The following USP47 variants were observed in gnomAD, a reference collection of about 807,000 sequenced individuals.
USP47 encodes the protein ubiquitin carboxyl-terminal hydrolase 47.
USP47 carries 35 observed loss-of-function variants against 165.1 expected under a neutral mutation model. That is an observed-to-expected ratio of 0.21 (90% CI 0.16 to 0.28). USP47 has a LOEUF of 0.28. Among genes scored for constraint, USP47 ranks in the 10% least tolerant of loss-of-function variants. The pLI is 1.00. For missense variants in USP47, 1,277 were observed against 1,607.4 expected, an observed-to-expected ratio of 0.79 and a Z score of 3.52; for synonymous variants, 531 against 544.5, an observed-to-expected ratio of 0.98 and a Z score of 0.35.
chr11:11,925,909 A>G (rs1854208403), intron 11 of USP47, among the ~76,000 whole-genome samples: 1 of 152,034 alleles, frequency 6.6e-6, no homozygotes, highest in African/African-American at 2.4e-5. Flanking sequence ...TGTTGAGGTA[A>G]TTTCCTTCTA....
At position 11,933,831 on chromosome 11, in the gene USP47, A is replaced by G. The variant is rs1309125981; in HGVS notation, c.1765A>G (p.Ile589Val). The G allele has an allele frequency of 6.3e-7, 1 of 1,590,736 alleles. No individual in the cohort carries two copies. The highest frequency in any genetic ancestry group is 1.7e-5 in the Admixed American group (1 of 59,212). ...GATGATGATATTTTACATTTTCTAG[A>G]TAAAATTATTCTGTTTGCATCCTAC... ...QREIERNTCK[I>V]KLFCLHPTKQ... Residue 589 changes from isoleucine to valine, a missense_variant and splice_region_variant, in exon 16 of 28, where the codon ATA (isoleucine) becomes GTA (valine). Ile to Val is a conservative substitution (Grantham distance 29). This residue lies in a region of USP47 where 909 missense variants were observed against 1,068.1 expected (regional missense o/e 0.85). Coordinates refer to ENST00000527733, the MANE Select transcript of USP47 (RefSeq NM_001282659.2).
At chr11:11,905,649 T>C (rs1373365869) in intron 8 of USP47, 101 bp downstream of exon 8, 34 of 1,192,726 alleles carry the variant, frequency 2.9e-5, no homozygotes, top group Non-Finnish European at 3.4e-5. Flanking sequence ...TAGATACACC[T>C]TCTTGGGTTG....
At chr11:11,847,070 A>T (rs1190579669) in intron 1 of USP47, among the ~76,000 whole-genome samples, 1 of 152,134 alleles carries the variant, frequency 6.6e-6, no homozygotes, top group Non-Finnish European at 1.5e-5. Flanking sequence ...TATGATTCTA[A>T]TTTTGTCCAG....
Position 11,884,521 on chromosome 11 carries a change from G to A in USP47, c.298G>A (p.Gly100Arg). ...KSLLDANFEP[G>R]KKNFLHLTDK... ...ACTTCTCGACGCTAATTTTGAGCCA[G>A]GAAAGAAGAACTTTCTGCATTTGAC... is the stretch of plus-strand genomic sequence containing the variant. Residue 100 changes from glycine (G) to arginine (R), a missense_variant, in exon 3 of 28, where the codon GGA (glycine) becomes AGA (arginine). This residue lies in a region of USP47 where 181 missense variants were observed against 194.7 expected (regional missense o/e 0.93). Coordinates refer to ENST00000527733, the MANE Select transcript of USP47 (RefSeq NM_001282659.2). 3.1e-6 allele frequency: 5 copies of A among 1,612,078 alleles called. No individual in the cohort carries two copies. The South Asian group carries it at 4.4e-5, about 14-fold the overall frequency.
At chr11:11,842,290 C>A (rs1427743241) in intron 1 of USP47, 66 bp downstream of exon 1, 7 of 1,514,862 alleles carry the variant, frequency 4.6e-6, no homozygotes, top group South Asian at 1.2e-5. Flanking sequence ...AGGCCCGGGC[C>A]GGGGTTCGGC....
At chr11:11,917,174 A>C (rs1303819626) in intron 8 of USP47, among the ~76,000 whole-genome samples, 1 of 152,174 alleles carries the variant, frequency 6.6e-6, no homozygotes, top group Non-Finnish European at 1.5e-5. Context: ...TTGGGTTGGC[A>C]TCATATTTCA....
intron 14 of USP47, among the ~76,000 whole-genome samples, chr11:11,930,983 T>A (rs1854624659): frequency 6.6e-6 from 1 of 152,172 alleles, no homozygotes; most frequent in African/African-American, 2.4e-5. Flanking sequence ...TTAAATAAAT[T>A]GAATGTTTAT....
rs59501871 is a variant in USP47, at chr11:11,869,315, A to ATT, written c.40-10851_40-10850dup. ...TATAAGATGGAGAGTTAGGTTGAGAATTTTTTTTTTTTGCTTCTGGATGTC... is the reference window on the plus strand; with the variant it reads ...TATAAGATGGAGAGTTAGGTTGAGAATTTTTTTTTTTTTTGCTTCTGGATGTC... On this transcript the variant is annotated intron_variant, in intron 1 of 27. Coordinates refer to ENST00000527733, the MANE Select transcript of USP47 (RefSeq NM_001282659.2). 3.6e-4 allele frequency among the ~76,000 whole-genome samples: 53 copies of ATT among 146,870 alleles called. No individual in the cohort carries two copies. In the East Asian group the frequency reaches 4.1e-3, roughly 11 times the overall value.
At position 11,854,361 on chromosome 11, in the gene USP47, A is replaced by T. The variant is rs1279877441; in HGVS notation, c.39+12137A>T. On this transcript the variant is annotated intron_variant, in intron 1 of 27. Coordinates refer to ENST00000527733, the MANE Select transcript of USP47 (RefSeq NM_001282659.2). ...ACAGCTGGAGTCCCTAGGTTCAAATACCAGCTGTCTGACATTGGACAAATT... is the reference window on the plus strand; with the variant it reads ...ACAGCTGGAGTCCCTAGGTTCAAATTCCAGCTGTCTGACATTGGACAAATT... Among the ~76,000 whole-genome samples, 2 of 147,064 alleles carry T rather than the reference A, an allele frequency of 1.4e-5. 1 individual carries two copies. Among genetic ancestry groups the T allele is most frequent in the Non-Finnish European group, 3.0e-5 (2 of 65,596 alleles).
At chr11:11,842,839 CTTTTTTTTTT>C (rs56251946) in intron 1 of USP47, among the ~76,000 whole-genome samples, 4 of 111,358 alleles carry the variant, frequency 3.6e-5, no homozygotes, top group African/African-American at 6.8e-5. Context: ...GAGCTGAACT[CTTTTTTTTTT>C]TTTTTTTTTT....
At chr11:11,940,606 G>A (rs1855401459) in intron 19 of USP47, 58 bp downstream of exon 19, 1 of 1,566,330 alleles carries the variant, frequency 6.4e-7, no homozygotes, top group South Asian at 1.1e-5. Flanking sequence ...AATGAAATTA[G>A]GTTCAATATT....
At chr11:11,948,916 A>AT (rs989053826) in intron 22 of USP47, 87 of 197,222 alleles carry the variant, frequency 4.4e-4, no homozygotes, top group African/African-American at 1.9e-3. Flanking sequence ...AGGAAAAGAA[A>AT]TTTTTTTGTG....
intron 14 of USP47, among the ~76,000 whole-genome samples, chr11:11,932,241 G>A (rs1854723628): frequency 6.6e-6 from 1 of 152,116 alleles, no homozygotes; most frequent in Non-Finnish European, 1.5e-5. Flanking sequence ...ACTCAGTATG[G>A]CAAAGAAAGC....
At chr11:11,852,655 A>G (rs1031655054) in intron 1 of USP47, among the ~76,000 whole-genome samples, 1 of 152,106 alleles carries the variant, frequency 6.6e-6, no homozygotes, top group Non-Finnish European at 1.5e-5. Flanking sequence ...CCTAGTTGTA[A>G]TTGTCATTGC....
At chr11:11,922,574 T>C in intron 10 of USP47, 150 bp from the exon 11 acceptor site, 1 of 575,304 alleles carries the variant, frequency 1.7e-6, no homozygotes, top group Non-Finnish European at 2.7e-6. Context: ...AGGTCTCAAT[T>C]TTTAAGAGAA....
Position 11,950,410 on chromosome 11 carries a change from T to C in USP47, c.3511T>C (p.Leu1171=), listed in dbSNP as rs373163194. ...KTWKNPGTVF[L]DYHIYEEDIN... Reference sequence around the variant, plus strand: ...ATGGAAGAATCCTGGCACTGTCTTTTTGGATTATCATATTTATGAAGAAGA... The same window carrying C: ...ATGGAAGAATCCTGGCACTGTCTTTCTGGATTATCATATTTATGAAGAAGA... The change falls in exon 24 of 28, where the codon TTG becomes CTG. Residue 1171 remains leucine (L), a synonymous_variant. Coordinates refer to ENST00000527733, the MANE Select transcript of USP47 (RefSeq NM_001282659.2). The C allele has an allele frequency of 3.1e-6, 5 of 1,608,670 alleles. No individual in the cohort carries two copies. In the African/African-American group the frequency reaches 4.0e-5, roughly 13 times the overall value.
At chr11:11,852,327 C>A (rs1564850606) in intron 1 of USP47, among the ~76,000 whole-genome samples, 1 of 151,510 alleles carries the variant, frequency 6.6e-6, no homozygotes, top group Non-Finnish European at 1.5e-5. Context: ...TTATTTGTAT[C>A]AGTATGGACT....
intron 4 of USP47, among the ~76,000 whole-genome samples, chr11:11,896,533 T>A (rs1002161711): frequency 1.3e-5 from 2 of 152,210 alleles, no homozygotes; most frequent in Non-Finnish European, 2.9e-5. Flanking sequence ...AATAATGTTT[T>A]TTATTATTAA....
At chr11:11,860,242 C>T (rs947581689) in intron 1 of USP47, among the ~76,000 whole-genome samples, 2 of 151,840 alleles carry the variant, frequency 1.3e-5, no homozygotes, top group African/African-American at 2.4e-5. Context: ...CTCTGCTTCC[C>T]GGGTTCAAGC....
Sources: gnomAD v4.1 joint callset for allele counts (sites outside exome capture counted in the v4.1 genomes callset) on GRCh38, gnomAD v4.1.1 for gene constraint, gnomAD v4.1.1 regional missense constraint, MANE v1.5 for transcripts, NCBI Gene and HGNC (gene_info 2026-07-23, HGNC 2026-07-21) for gene names.